Variants in RNF220 observed in about 807,000 individuals in gnomAD.
The protein encoded by RNF220 is E3 ubiquitin-protein ligase RNF220.
A neutral mutation model predicts 67.1 loss-of-function variants in RNF220; 7 were observed. That is an observed-to-expected ratio of 0.10 (90% CI 0.06 to 0.20). RNF220 has a LOEUF of 0.20. Ranked by LOEUF, RNF220 falls within the 10% of genes least tolerant of loss-of-function variation. The probability of loss-of-function intolerance (pLI) is 1.00; values close to 1 mark genes in which losing one functional copy is unlikely to be tolerated. For synonymous variants in RNF220, 270 were observed against 283.2 expected, an observed-to-expected ratio of 0.95 and a Z score of 0.47; for missense variants, 565 against 740.3, an observed-to-expected ratio of 0.76 and a Z score of 2.75.
At chr1:44,563,407 C>A (rs1663740880) in intron 2 of RNF220, among the ~76,000 whole-genome samples, 1 of 152,200 alleles carries the variant, frequency 6.6e-6, no homozygotes. Flanking sequence ...CTTCAGGGGG[C>A]CCCGCTTCCC....
chr1:44,578,349 C>T (rs527796194), intron 2 of RNF220, among the ~76,000 whole-genome samples: 26 of 151,994 alleles, frequency 1.7e-4, no homozygotes, highest in African/African-American at 6.3e-4. Flanking sequence ...GGGGTTTCAC[C>T]ATGTTGGCCA....
rs1572698405 is a variant in RNF220 at position 44,502,181 on chromosome 1, A to ACC, written c.625+89460_625+89461dup. Among the ~76,000 whole-genome samples, 84 of 136,702 alleles carry ACC rather than the reference A, an allele frequency of 6.1e-4. 2 individuals carry two copies. In the South Asian group the frequency reaches 0.019, roughly 31 times the overall value. 89.7% of individuals were successfully genotyped at this position (136,702 alleles called of 152,430 possible). ...CTCACACACACACACACACACACAC[A>ACC]CCATACACGCTCACACACACACATA... On this transcript the variant is annotated intron_variant, in intron 2 of 14. Coordinates refer to ENST00000361799, the MANE Select transcript of RNF220 (RefSeq NM_018150.4).
At chr1:44,610,374 C>T (rs2148420326) in intron 2 of RNF220, among the ~76,000 whole-genome samples, 2 of 152,298 alleles carry the variant, frequency 1.3e-5, no homozygotes, top group South Asian at 4.1e-4. Flanking sequence ...ACTGGGCCTC[C>T]CGCCTCACCT....
chr1:44,458,888 G>T (rs966428609), intron 2 of RNF220, among the ~76,000 whole-genome samples: 2 of 152,198 alleles, frequency 1.3e-5, no homozygotes, highest in African/African-American at 4.8e-5. Flanking sequence ...ACATATTACA[G>T]CTGGAATGGA....
intron 2 of RNF220, among the ~76,000 whole-genome samples, chr1:44,604,138 T>C (rs1254881968): frequency 6.6e-6 from 1 of 152,222 alleles, no homozygotes; most frequent in Non-Finnish European, 1.5e-5. Flanking sequence ...GGTATAGTGA[T>C]AGGTGCTCAG....
intron 2 of RNF220, among the ~76,000 whole-genome samples, chr1:44,530,721 CT>C (rs1660774417): frequency 6.6e-6 from 1 of 152,020 alleles, no homozygotes; most frequent in South Asian, 2.1e-4. Context: ...AATCCCAGCA[CT>C]TTGGGAGTCT....
rs57102316 is a variant in RNF220, at chr1:44,502,157, T to TCACA, written c.625+89457_625+89460dup. Among the ~76,000 whole-genome samples, 1,213 of 144,178 alleles carry TCACA rather than the reference T, an allele frequency of 8.4e-3. 28 individuals are homozygous for TCACA. Among genetic ancestry groups the TCACA allele is most frequent in the African/African-American group, 0.029 (1,141 of 38,704 alleles). The allele number at this position is 144,178 out of a possible 152,430, so 94.6% of individuals were successfully genotyped here. A position where few individuals can be genotyped will look rare whatever the true frequency, so the allele number is the denominator to read the frequency against. ...TTGTCTCTCTCTCTCTCTCTCTCTCTCACACACACACACACACACACACAC... is the reference window on the plus strand; with the variant it reads ...TTGTCTCTCTCTCTCTCTCTCTCTCTCACACACACACACACACACACACACACAC... On this transcript the variant is annotated intron_variant, in intron 2 of 14. Coordinates refer to ENST00000361799, the MANE Select transcript of RNF220 (RefSeq NM_018150.4).
At chr1:44,519,264 A>G (rs1460200605) in intron 2 of RNF220, among the ~76,000 whole-genome samples, 2 of 152,254 alleles carry the variant, frequency 1.3e-5, no homozygotes, top group Non-Finnish European at 2.9e-5. Flanking sequence ...TAATCAACAA[A>G]TATCTATTTA....
chr1:44,651,223 T>G lies in RNF220; in HGVS notation c.*448T>G, dbSNP rs1432493644. On this transcript the variant is annotated 3_prime_UTR_variant, in exon 15 of 15. Coordinates refer to ENST00000361799, the MANE Select transcript of RNF220 (RefSeq NM_018150.4). ...CTCTACCTGTCCCCTCCCCCTTTGGTTGTATGATTTTCTTCTTTTTTAAGA... is the reference window on the plus strand; with the variant it reads ...CTCTACCTGTCCCCTCCCCCTTTGGGTGTATGATTTTCTTCTTTTTTAAGA... 2 of 184,452 alleles carry G rather than the reference T, an allele frequency of 1.1e-5. No homozygotes were observed. The highest frequency in any genetic ancestry group is 2.4e-5 in the Non-Finnish European group (2 of 85,036). The allele number at this position is 184,452 out of a possible 1,614,324, so 11.4% of individuals were successfully genotyped here. A position where few individuals can be genotyped will look rare whatever the true frequency, so the allele number is the denominator to read the frequency against.
chr1:44,467,072 C>T (rs1042113121), intron 2 of RNF220, among the ~76,000 whole-genome samples: 1 of 152,226 alleles, frequency 6.6e-6, no homozygotes, highest in Non-Finnish European at 1.5e-5. Context: ...CCACCTTCTT[C>T]AATTATCTTA....
rs184709729 is a variant in RNF220 at position 44,629,762 on chromosome 1, A to C, written c.907-2581A>C. On this transcript the variant is annotated intron_variant, in intron 5 of 14. Coordinates refer to ENST00000361799, the MANE Select transcript of RNF220 (RefSeq NM_018150.4). Reference sequence around the variant, plus strand: ...GGAGGAGAAAATCAGAGTAAGCTTCACACAGGAGGTAATGACTGAAAACGG... The same window carrying C: ...GGAGGAGAAAATCAGAGTAAGCTTCCCACAGGAGGTAATGACTGAAAACGG... Among the ~76,000 whole-genome samples, 140 of 152,348 alleles carry C rather than the reference A, an allele frequency of 9.2e-4. 1 individual carries two copies. The highest frequency in any genetic ancestry group is 3.3e-3 in the African/African-American group (137 of 41,568).
At chr1:44,589,939 C>T (rs1665996451) in intron 2 of RNF220, among the ~76,000 whole-genome samples, 1 of 152,122 alleles carries the variant, frequency 6.6e-6, no homozygotes, top group African/African-American at 2.4e-5. Context: ...GTTAAGGCTG[C>T]ACGGGAGGTG....
chr1:44,531,357 T>C (rs577196627), intron 2 of RNF220, among the ~76,000 whole-genome samples: 1 of 152,336 alleles, frequency 6.6e-6, no homozygotes, highest in East Asian at 1.9e-4. Context: ...CTACCTGTTG[T>C]CCTGTTATTT....
chr1:44,573,979 G>A (rs186166725), intron 2 of RNF220, among the ~76,000 whole-genome samples: 25 of 152,250 alleles, frequency 1.6e-4, no homozygotes, highest in Admixed American at 5.9e-4. Flanking sequence ...TGAGCTGGGC[G>A]TGGTGGTGCA....
intron 2 of RNF220, among the ~76,000 whole-genome samples, chr1:44,554,514 G>A (rs1282181047): frequency 6.6e-6 from 1 of 152,024 alleles, no homozygotes; most frequent in Non-Finnish European, 1.5e-5. Flanking sequence ...TCTCTGTCCT[G>A]GAGAAAAAAG....
rs1644620380 is a variant in RNF220, at chr1:44,645,671, C to T, written c.1445+183C>T. Among the ~76,000 whole-genome samples the T allele has an allele frequency of 1.3e-5, 2 of 152,162 alleles. No individual in the cohort carries two copies. The highest frequency in any genetic ancestry group is 6.5e-5 in the Admixed American group (1 of 15,288). On this transcript the variant is annotated intron_variant, in intron 12 of 14. Transcript: ENST00000361799. The surrounding 1 kb of genome is among the most constrained non-coding windows in gnomAD (Gnocchi z 5.0). ...GCTAAGCGTGACTCTGTGAATTGATCACTGGGCCACGGCCCCAGAAGCCTT... is the reference window on the plus strand; with the variant it reads ...GCTAAGCGTGACTCTGTGAATTGATTACTGGGCCACGGCCCCAGAAGCCTT...
chr1:44,589,442 G>A (rs529253207), intron 2 of RNF220, among the ~76,000 whole-genome samples: 22 of 152,090 alleles, frequency 1.4e-4, no homozygotes, highest in African/African-American at 2.2e-4. Context: ...GTGAAACCCC[G>A]TCTCTACTAA....
At chr1:44,518,552 T>A (rs1291738612) in intron 2 of RNF220, among the ~76,000 whole-genome samples, 1 of 151,344 alleles carries the variant, frequency 6.6e-6, no homozygotes, top group African/African-American at 2.4e-5. Context: ...ATTCCTGGAG[T>A]TTGTTTCAGA....
At chr1:44,520,956 C>CG (rs1659890706) in intron 2 of RNF220, among the ~76,000 whole-genome samples, 1 of 152,122 alleles carries the variant, frequency 6.6e-6, no homozygotes, top group Admixed American at 6.6e-5. Flanking sequence ...AGTGCAGTGG[C>CG]GCAATCATAG....
Sources: allele counts gnomAD v4.1 joint callset (sites outside exome capture counted in the v4.1 genomes callset), GRCh38; gene constraint gnomAD v4.1.1; non-coding constraint Gnocchi (gnomAD v3.1); transcripts MANE v1.5; gene names NCBI Gene and HGNC (gene_info 2026-07-23, HGNC 2026-07-21).